The following FOCAD variants were observed in gnomAD, a reference collection of about 807,000 sequenced individuals.
FOCAD encodes the protein KIAA1797.
A neutral mutation model predicts 225.6 loss-of-function variants in FOCAD; 198 were observed. The observed-to-expected ratio is 0.88, with a 90% CI of 0.78 to 0.99. The LOEUF is 0.99. Among genes scored for constraint, FOCAD ranks in the 50% least tolerant of loss-of-function variants. The pLI is 0.00. For missense variants in FOCAD, 2,713 were observed against 2,123.6 expected (o/e 1.28, Z -5.46); for synonymous variants, 897 against 755.0 (o/e 1.19, Z -3.08).
Position 20,981,499 on chromosome 9 carries a change from GT to G in FOCAD, c.4455del (p.Phe1485LeufsTer5), listed in dbSNP as rs777476396. On this transcript the variant is annotated frameshift_variant, in exon 38 of 44. Coordinates refer to ENST00000338382, the MANE Select transcript of FOCAD (RefSeq NM_001375567.1). LOFTEE classifies it high-confidence loss of function. ...CACATCTCTGATGAACAGATCCTGG[GT>G]TTTGTTGAAAATTTAATGGTGGCAG... ...IKHISDEQIL[G>X]FVENLMVAVF... 6.2e-7 allele frequency: 1 copy of G among 1,614,070 alleles called. No individual in the cohort carries two copies. The highest frequency in any genetic ancestry group is 1.1e-5 in the South Asian group (1 of 91,078).
At chr9:20,873,793 C>G (rs1428175793) in intron 18 of FOCAD, 1 of 152,134 alleles carries the variant, frequency 6.6e-6, no homozygotes, top group Non-Finnish European at 1.5e-5. Flanking sequence ...AGAAGGCAGT[C>G]TGCAGGAATT....
intron 23 of FOCAD, among the ~76,000 whole-genome samples, chr9:20,915,131 CT>C (rs1055172887): frequency 6.6e-6 from 1 of 152,070 alleles, no homozygotes; most frequent in African/African-American, 2.4e-5. Flanking sequence ...CCTCATTAGC[CT>C]CCAATTAGAG....
At chr9:20,682,730 A>G (rs772166372), upstream of FOCAD, among the ~76,000 whole-genome samples, 1 of 152,208 alleles carries the variant, frequency 6.6e-6, no homozygotes, top group East Asian at 1.9e-4. Context: ...CCTTTGAAGC[A>G]AAGGATAACA....
intron 11 of FOCAD, among the ~76,000 whole-genome samples, chr9:20,800,271 T>A (rs371497338): frequency 1.3e-5 from 2 of 152,100 alleles, no homozygotes; most frequent in Non-Finnish European, 2.9e-5. Context: ...CTCTCTGGCT[T>A]CCCTTAACAT....
chr9:20,769,700 AAACTAAACTTAATTTCCCTCAAC>A (rs1390216181), intron 7 of FOCAD, among the ~76,000 whole-genome samples: 2 of 152,240 alleles, frequency 1.3e-5, no homozygotes, highest in East Asian at 3.8e-4. Flanking sequence ...GGAGAATTCA[AAACTAAACTTAATTTCCCTCAAC>A]ATGTTGTCAT....
At position 20,948,881 on chromosome 9, in the gene FOCAD, C is replaced by T. The variant is rs1468754247; in HGVS notation, c.3829C>T (p.Leu1277Phe). ...GTPTMLCLAA[L>F]HGMVALVGSE... ...TCCCACAATGCTTTGTCTGGCAGCT[C>T]TTCATGGCATGGTGGCCTTGGTAGG... Residue 1277 changes from leucine (L) to phenylalanine (F), a missense_variant, in exon 32 of 44, where the codon CTT (leucine) becomes TTT (phenylalanine). Coordinates refer to ENST00000338382, the MANE Select transcript of FOCAD (RefSeq NM_001375567.1). 1 of 1,613,552 alleles carries T rather than the reference C, an allele frequency of 6.2e-7. No individual in the cohort carries two copies. The highest frequency in any genetic ancestry group is 8.5e-7 in the Non-Finnish European group (1 of 1,179,568).
chr9:20,740,541 A>G (rs1364488406), intron 5 of FOCAD, among the ~76,000 whole-genome samples: 4 of 152,196 alleles, frequency 2.6e-5, no homozygotes, highest in African/African-American at 4.8e-5. Flanking sequence ...AGTATCACCA[A>G]TGTGGGTTTC....
At chr9:20,963,628 C>T (rs1427732140) in intron 35 of FOCAD, among the ~76,000 whole-genome samples, 1 of 152,158 alleles carries the variant, frequency 6.6e-6, no homozygotes, top group African/African-American at 2.4e-5. Flanking sequence ...AGATGTAATT[C>T]TTGCATAGGT....
chr9:20,893,875 G>T (rs750644470), intron 21 of FOCAD, among the ~76,000 whole-genome samples: 5 of 151,944 alleles, frequency 3.3e-5, no homozygotes, highest in Admixed American at 6.6e-5. Flanking sequence ...ACACATTCTT[G>T]TTACCCAAAG....
intron 35 of FOCAD, among the ~76,000 whole-genome samples, chr9:20,971,294 TAAA>T (rs1324686314): frequency 6.6e-6 from 1 of 152,178 alleles, no homozygotes; most frequent in African/African-American, 2.4e-5. Context: ...AATCAAAAAT[TAAA>T]ATAACTCTGC....
chr9:20,747,291 C>G (rs1004368156), intron 5 of FOCAD, among the ~76,000 whole-genome samples: 2 of 152,064 alleles, frequency 1.3e-5, no homozygotes, highest in South Asian at 2.1e-4. Flanking sequence ...ATATCAGATT[C>G]TGATTTGGAC....
chr9:20,666,576 C>G (rs182642142), intron 2 of FOCAD, among the ~76,000 whole-genome samples: 14 of 152,200 alleles, frequency 9.2e-5, no homozygotes, highest in African/African-American at 3.4e-4. Context: ...TCAAAACAAA[C>G]AAACAAACAA....
chr9:20,921,089 A>G (rs1166760623), intron 24 of FOCAD, among the ~76,000 whole-genome samples: 1 of 152,112 alleles, frequency 6.6e-6, no homozygotes, highest in Non-Finnish European at 1.5e-5. Flanking sequence ...TTAAAGCTTC[A>G]GGGATAGGGG....
chr9:20,813,156 C>T (rs62560460), intron 11 of FOCAD, among the ~76,000 whole-genome samples: 4,330 of 152,100 alleles, frequency 0.028, 72 homozygotes, highest in Non-Finnish European at 0.043. Context: ...AGCATTGTGT[C>T]CTCAAGGTTC....
intron 11 of FOCAD, among the ~76,000 whole-genome samples, chr9:20,798,717 A>C (rs1019355951): frequency 1.3e-5 from 2 of 151,190 alleles, no homozygotes; most frequent in African/African-American, 4.9e-5. Context: ...TTTTTATTGC[A>C]TCTATTTGAT....
At chr9:20,822,079 G>A (rs3898946) in intron 14 of FOCAD, among the ~76,000 whole-genome samples, 51,431 of 148,778 alleles carry the variant, frequency 0.35, 9,221 homozygotes, top group East Asian at 0.47. Flanking sequence ...TGAGCTATTG[G>A]CATGGAAAAA....
chr9:20,771,738 C>T (rs201710155), intron 8 of FOCAD, among the ~76,000 whole-genome samples: 1 of 152,168 alleles, frequency 6.6e-6, no homozygotes, highest in Non-Finnish European at 1.5e-5. Flanking sequence ...CTGGGCGACA[C>T]AGCAGGACTT....
chr9:20,703,855 A>T (rs1160365512), intron 1 of FOCAD, among the ~76,000 whole-genome samples: 1 of 152,192 alleles, frequency 6.6e-6, no homozygotes, highest in East Asian at 1.9e-4. Context: ...GACCTTGTTT[A>T]ACCAATGAGG....
intron 1 of FOCAD, among the ~76,000 whole-genome samples, chr9:20,689,138 C>A (rs2131337094): frequency 6.6e-6 from 1 of 152,136 alleles, no homozygotes; most frequent in East Asian, 1.9e-4. Context: ...GTGTTTGTAG[C>A]TAAAAGGGAG....
Sources: gnomAD v4.1 joint callset for allele counts (sites outside exome capture counted in the v4.1 genomes callset) on GRCh38, gnomAD v4.1.1 for gene constraint, MANE v1.5 for transcripts, NCBI Gene and HGNC (gene_info 2026-07-23, HGNC 2026-07-21) for gene names.